The following ZNF536 variants were observed in gnomAD, a reference collection of about 807,000 sequenced individuals.
ZNF536 encodes zinc finger protein 536.
ZNF536 carries 13 observed loss-of-function variants against 84.5 expected under a neutral mutation model. The ratio of observed to expected loss-of-function variants is 0.15; its 90% CI spans 0.10 to 0.24. The LOEUF (loss-of-function observed/expected upper bound fraction) is 0.24, where lower values mean the gene tolerates loss of function less well. Ranked by LOEUF, ZNF536 falls within the 10% of genes least tolerant of loss-of-function variation. ZNF536 has a pLI of 1.00. For missense variants in ZNF536, 1,536 were observed against 1,747.5 expected (o/e 0.88, Z 2.16); for synonymous variants, 811 against 742.5 (o/e 1.09, Z -1.50).
At chr19:30,644,068 A>T (rs1236446999) in intron 1 of ZNF536, among the ~76,000 whole-genome samples, 1 of 152,218 alleles carries the variant, frequency 6.6e-6, no homozygotes, top group Non-Finnish European at 1.5e-5. Context: ...TTAAAATGGC[A>T]GTGGAGCCAC....
chr19:30,510,898 G>A (rs2055384963), intron 2 of ZNF536, among the ~76,000 whole-genome samples: 1 of 152,108 alleles, frequency 6.6e-6, no homozygotes, highest in African/African-American at 2.4e-5. Context: ...TTGCATCCTT[G>A]GCAGGACCTG....
intron 2 of ZNF536, among the ~76,000 whole-genome samples, chr19:30,457,559 G>C (rs751465983): frequency 6.6e-6 from 1 of 152,248 alleles, no homozygotes; most frequent in Admixed American, 6.5e-5. Flanking sequence ...GCCTCCCCGA[G>C]GGAGAGCACT....
At chr19:30,708,796 G>A (rs892885982) in intron 1 of ZNF536, among the ~76,000 whole-genome samples, 6 of 152,178 alleles carry the variant, frequency 3.9e-5, no homozygotes, top group African/African-American at 1.4e-4. Flanking sequence ...TGCTTCCAAC[G>A]TTGCATTGGA....
At chr19:30,446,092 C>A (rs1235315839) in intron 2 of ZNF536, among the ~76,000 whole-genome samples, 1 of 151,230 alleles carries the variant, frequency 6.6e-6, no homozygotes, top group African/African-American at 2.4e-5. Context: ...TACTAAAAAT[C>A]CAAAAATTTA....
chr19:30,622,214 A>G (rs1408205258), intron 1 of ZNF536, among the ~76,000 whole-genome samples: 5 of 152,254 alleles, frequency 3.3e-5, no homozygotes, highest in Non-Finnish European at 5.9e-5. Flanking sequence ...AGCTCTAAAT[A>G]TGGCAGCAGC....
chr19:30,623,449 TTG>T lies in ZNF536; in HGVS notation c.169+73936_169+73937del, dbSNP rs528610713. Among the ~76,000 whole-genome samples, 292 of 152,370 alleles carry T rather than the reference TTG, an allele frequency of 1.9e-3. 4 individuals carry two copies. Among genetic ancestry groups the T allele is most frequent in the African/African-American group, 6.3e-3 (262 of 41,596 alleles). On this transcript the variant is annotated intron_variant, in intron 1 of 1. Coordinates refer to the ZNF536 transcript ENST00000592773. Reference sequence around the variant, plus strand: ...GCCAGCAATCCCCATGCAATCTGGCTTGCCACTATGCCCTGGCTTTGAGTCTT... The same window carrying T: ...GCCAGCAATCCCCATGCAATCTGGCTCCACTATGCCCTGGCTTTGAGTCTT...
intron 1 of ZNF536, among the ~76,000 whole-genome samples, chr19:30,238,135 C>G (rs940243908): frequency 6.6e-6 from 1 of 152,218 alleles, no homozygotes; most frequent in African/African-American, 2.4e-5. Context: ...GCCAGCTACT[C>G]TTATTACTTG....
intron 1 of ZNF536, among the ~76,000 whole-genome samples, chr19:30,432,638 G>A (rs1402227005): frequency 1.3e-5 from 2 of 152,172 alleles, no homozygotes; most frequent in Admixed American, 6.5e-5. Flanking sequence ...TGCACGCGGA[G>A]CCCTCATCAC....
intron 2 of ZNF536, among the ~76,000 whole-genome samples, chr19:30,515,045 G>A (rs554400811): frequency 1.3e-4 from 20 of 152,124 alleles, no homozygotes; most frequent in South Asian, 2.1e-4. Context: ...GAGCCCAGGC[G>A]TTTGAGACCA....
At chr19:30,378,061 TGA>T (rs1404175407) in intron 1 of ZNF536, among the ~76,000 whole-genome samples, 8 of 152,204 alleles carry the variant, frequency 5.3e-5, no homozygotes, top group African/African-American at 1.9e-4. Context: ...CAACATGGTC[TGA>T]GAGTCCCTGT....
chr19:30,305,480 T>A (rs2046315438), intron 2 of ZNF536, among the ~76,000 whole-genome samples: 1 of 152,162 alleles, frequency 6.6e-6, no homozygotes, highest in African/African-American at 2.4e-5. Context: ...AGCTGGGTAT[T>A]TAATGTTCTT....
At chr19:30,573,665 C>T (rs888121675) in intron 1 of ZNF536, among the ~76,000 whole-genome samples, 19 of 152,342 alleles carry the variant, frequency 1.2e-4, no homozygotes, top group African/African-American at 2.6e-4. Flanking sequence ...TACACCCACC[C>T]GGTTTCCTTT....
chr19:30,596,969 T>C (rs2047488165), intron 1 of ZNF536, among the ~76,000 whole-genome samples: 1 of 152,228 alleles, frequency 6.6e-6, no homozygotes, highest in South Asian at 2.1e-4. Context: ...TGGGGCTGTT[T>C]TCTTTTGCAA....
chr19:30,308,591 G>A (rs1353472183), intron 2 of ZNF536, among the ~76,000 whole-genome samples: 2 of 152,248 alleles, frequency 1.3e-5, no homozygotes, highest in East Asian at 1.9e-4. Flanking sequence ...GAGTCCTCAT[G>A]TGTTCCATAA....
chr19:30,274,575 G>A (rs1240894854), intron 1 of ZNF536, among the ~76,000 whole-genome samples: 1 of 152,218 alleles, frequency 6.6e-6, no homozygotes, highest in African/African-American at 2.4e-5. Flanking sequence ...GGACAGTGCA[G>A]TTCTATGTGA....
At chr19:30,699,577 G>A (rs975620453) in intron 1 of ZNF536, among the ~76,000 whole-genome samples, 13 of 152,024 alleles carry the variant, frequency 8.6e-5, no homozygotes, top group Non-Finnish European at 1.9e-4. Context: ...GTACCTGATT[G>A]GAATCATTCT....
chr19:30,703,067 G>A (rs1001154633), intron 1 of ZNF536, among the ~76,000 whole-genome samples: 1 of 152,178 alleles, frequency 6.6e-6, no homozygotes, highest in African/African-American at 2.4e-5. Flanking sequence ...GGTCATCCGG[G>A]AGGCCTTCCC....
At chr19:30,465,625 T>C (rs980153144) in intron 2 of ZNF536, among the ~76,000 whole-genome samples, 1 of 152,188 alleles carries the variant, frequency 6.6e-6, no homozygotes, top group Non-Finnish European at 1.5e-5. Context: ...GTGTGGTGGC[T>C]TAGGCCTGGA....
intron 1 of ZNF536, among the ~76,000 whole-genome samples, chr19:30,638,757 G>A (rs2147311436): frequency 6.6e-6 from 1 of 152,298 alleles, no homozygotes; most frequent in Non-Finnish European, 1.5e-5. Context: ...GGATTGTAAG[G>A]TAGTCATGGG....
Sources: gnomAD v4.1 joint callset for allele counts (sites outside exome capture counted in the v4.1 genomes callset) on GRCh38, gnomAD v4.1.1 for gene constraint, MANE v1.5 for transcripts, NCBI Gene and HGNC (gene_info 2026-07-23, HGNC 2026-07-21) for gene names.